DOCK2: variants seen among roughly 807,000 people sequenced by gnomAD.
DOCK2 encodes dedicator of cytokinesis protein 2.
DOCK2 carries 87 observed loss-of-function variants against 248.9 expected under a neutral mutation model. The observed-to-expected ratio is 0.35, with a 90% CI of 0.29 to 0.42. DOCK2 has a LOEUF of 0.42. Ranked by LOEUF, DOCK2 falls within the 10% of genes least tolerant of loss-of-function variation. The pLI is 1.00. For missense variants in DOCK2, 1,747 were observed against 2,300.2 expected (o/e 0.76, Z 4.92); for synonymous variants, 805 against 821.6 (o/e 0.98, Z 0.35).
intron 22 of DOCK2, among the ~76,000 whole-genome samples, chr5:169,732,577 A>C (rs1762838339): frequency 6.6e-6 from 1 of 152,184 alleles, no homozygotes; most frequent in African/African-American, 2.4e-5. Context: ...CCCACAAACC[A>C]GTATGCAGCG....
intron 8 of DOCK2, among the ~76,000 whole-genome samples, chr5:169,686,153 C>A (rs1234791982): frequency 6.6e-6 from 1 of 152,204 alleles, no homozygotes; most frequent in Non-Finnish European, 1.5e-5. Flanking sequence ...TGTTCCCTGT[C>A]AGTTACTCCC....
intron 25 of DOCK2, among the ~76,000 whole-genome samples, chr5:169,783,063 T>A (rs924589130): frequency 2.0e-5 from 3 of 152,200 alleles, no homozygotes; most frequent in African/African-American, 4.8e-5. Context: ...TTTATTATAA[T>A]GCAGAATGAA....
chr5:169,917,857 C>T (rs1324883458), intron 27 of DOCK2, among the ~76,000 whole-genome samples: 1 of 152,144 alleles, frequency 6.6e-6, no homozygotes, highest in African/African-American at 2.4e-5. Context: ...GCTGGTCTTC[C>T]CTTTCCACTG....
intron 22 of DOCK2, among the ~76,000 whole-genome samples, chr5:169,734,649 G>T (rs1358880830): frequency 1.3e-5 from 2 of 152,150 alleles, no homozygotes; most frequent in South Asian, 2.1e-4. Flanking sequence ...ACTGACTTGT[G>T]GTTAAGAATT....
chr5:169,934,732 G>A (rs1232883783), intron 27 of DOCK2: 2 of 456,056 alleles, frequency 4.4e-6, no homozygotes, highest in East Asian at 6.9e-5. Context: ...GTTAGCACAG[G>A]GCTGCTCACG....
chr5:169,744,060 G>A (rs1240436317), intron 22 of DOCK2, among the ~76,000 whole-genome samples: 3 of 151,898 alleles, frequency 2.0e-5, no homozygotes, highest in East Asian at 3.9e-4. Context: ...CCCTTAACTT[G>A]TGACATGAAT....
At chr5:169,892,123 T>C (rs1773331551) in intron 27 of DOCK2, among the ~76,000 whole-genome samples, 2 of 152,142 alleles carry the variant, frequency 1.3e-5, no homozygotes, top group Non-Finnish European at 2.9e-5. Context: ...AAAATCAGCC[T>C]TCCAAATCCA....
chr5:169,865,131 G>C (rs1448502282), intron 27 of DOCK2, among the ~76,000 whole-genome samples: 1 of 152,198 alleles, frequency 6.6e-6, no homozygotes, highest in Non-Finnish European at 1.5e-5. Flanking sequence ...CCTCAATACA[G>C]TGTATTTAAA....
chr5:169,721,453 T>C (rs569511240), intron 22 of DOCK2, among the ~76,000 whole-genome samples: 55 of 152,308 alleles, frequency 3.6e-4, no homozygotes, highest in African/African-American at 1.3e-3. Context: ...CTCTAGGGCA[T>C]TGGGAAGCTA....
At chr5:169,671,308 G>T in intron 5 of DOCK2, 134 bp downstream of exon 5, 1 of 685,916 alleles carries the variant, frequency 1.5e-6, no homozygotes, top group Non-Finnish European at 2.5e-6. Context: ...ACTATTACGT[G>T]TGAGGACATC....
At chr5:169,641,661 A>G (rs1227476351) in intron 1 of DOCK2, among the ~76,000 whole-genome samples, 1 of 152,158 alleles carries the variant, frequency 6.6e-6, no homozygotes, top group Non-Finnish European at 1.5e-5. Flanking sequence ...GCAACCCTGG[A>G]AACCTCTGCC....
chr5:169,767,406 A>G (rs1270490960), intron 25 of DOCK2, among the ~76,000 whole-genome samples: 1 of 152,016 alleles, frequency 6.6e-6, no homozygotes, highest in African/African-American at 2.4e-5. Flanking sequence ...TCAATTTTTG[A>G]TTTTATTCTA....
intron 27 of DOCK2, among the ~76,000 whole-genome samples, chr5:169,843,670 T>G (rs1025055260): frequency 6.6e-6 from 1 of 152,242 alleles, no homozygotes; most frequent in Admixed American, 6.5e-5. Flanking sequence ...TTTAGAGTAT[T>G]TCTTTTACTC....
At chr5:169,898,931 G>A (rs190320782) in intron 27 of DOCK2, among the ~76,000 whole-genome samples, 1 of 152,290 alleles carries the variant, frequency 6.6e-6, no homozygotes, top group East Asian at 1.9e-4. Context: ...AGAAGCAAAA[G>A]GTGGTAGAAT....
chr5:169,996,114 G>A lies in DOCK2; in HGVS notation c.3022G>A (p.Ala1008Thr). The change falls in exon 30 of 52, where the codon GCA becomes ACA. Residue 1008 changes from alanine (A) to threonine (T), a missense_variant. Ala to Thr is a moderately conservative substitution (Grantham distance 58). Transcript: ENST00000520908. ...RVFLRAINKF[A>T]ETMNQKFLEH... is the part of the protein sequence containing the mutation. ...CTTCCTGAGAGCTATCAACAAGTTTGCAGAAACCATGAACCAGAAGTTCCT... is the reference window on the plus strand; with the variant it reads ...CTTCCTGAGAGCTATCAACAAGTTTACAGAAACCATGAACCAGAAGTTCCT... 6.2e-7 allele frequency: 1 copy of A among 1,613,976 alleles called. No individual in the cohort carries two copies. Among genetic ancestry groups the A allele is most frequent in the Non-Finnish European group, 8.5e-7 (1 of 1,179,866 alleles).
intron 44 of DOCK2, among the ~76,000 whole-genome samples, chr5:170,062,724 C>T (rs1308702627): frequency 6.6e-6 from 1 of 152,102 alleles, no homozygotes; most frequent in Non-Finnish European, 1.5e-5. Flanking sequence ...AGGAAAAAAT[C>T]AGTGGTTTTA....
chr5:169,992,086 C>A (rs374605141), intron 29 of DOCK2, among the ~76,000 whole-genome samples: 2 of 152,214 alleles, frequency 1.3e-5, no homozygotes, highest in East Asian at 3.9e-4. Context: ...CTAGATTCTG[C>A]AGGCCGTGTA....
chr5:169,701,310 T>G (rs148438449), intron 13 of DOCK2, among the ~76,000 whole-genome samples: 276 of 152,330 alleles, frequency 1.8e-3, no homozygotes, highest in African/African-American at 6.1e-3. Flanking sequence ...ATGGTAATAC[T>G]CTTTTGAAAC....
At chr5:169,847,230 T>C (rs757100990) in intron 27 of DOCK2, among the ~76,000 whole-genome samples, 3 of 152,214 alleles carry the variant, frequency 2.0e-5, no homozygotes, top group Non-Finnish European at 1.5e-5. Context: ...ATTGCTAGAT[T>C]GAATGGTAGA....
Sources: gnomAD v4.1 joint callset for allele counts (sites outside exome capture counted in the v4.1 genomes callset) on GRCh38, gnomAD v4.1.1 for gene constraint, MANE v1.5 for transcripts, NCBI Gene and HGNC (gene_info 2026-07-23, HGNC 2026-07-21) for gene names.